The following RCAN1 variants were observed in gnomAD, a reference collection of about 807,000 sequenced individuals.
RCAN1 encodes regulator of calcineurin 1.
A neutral mutation model predicts 22.9 loss-of-function variants in RCAN1; 11 were observed. That is an observed-to-expected ratio of 0.48 (90% CI 0.30 to 0.79). The LOEUF (loss-of-function observed/expected upper bound fraction) is 0.79, where lower values mean the gene tolerates loss of function less well. Ranked by LOEUF, RCAN1 falls within the 30% of genes least tolerant of loss-of-function variation. RCAN1 has a pLI of 0.06. For missense variants in RCAN1, 291 were observed against 337.8 expected (o/e 0.86, Z 1.09); for synonymous variants, 136 against 142.3 (o/e 0.96, Z 0.32).
chr21:34,614,584 C>T lies in RCAN1; in HGVS notation c.252+176G>A, dbSNP rs1020150857. ...CCGGGGGTGCTAGGGGACCGGGACC[C>T]TCGGGGCGCCGTCCCCACGCCCCAG... On this transcript the variant is annotated intron_variant, in intron 1 of 3. Transcript: ENST00000313806. This position sits in a 1 kb window ranked among gnomAD's most constrained non-coding sequence, Gnocchi z 6.0. 3.0e-6 allele frequency: 3 copies of T among 999,690 alleles called. No homozygotes were observed. In the African/African-American group the frequency reaches 5.2e-5, roughly 17 times the overall value. The allele number at this position is 999,690 out of a possible 1,614,324, so 61.9% of individuals were successfully genotyped here.
chr21:34,581,858 C>A (rs751364050), intron 1 of RCAN1, among the ~76,000 whole-genome samples: 8 of 152,224 alleles, frequency 5.3e-5, no homozygotes, highest in Non-Finnish European at 1.0e-4. Flanking sequence ...TCTTGCAAAG[C>A]AACTGCCTCT....
At chr21:34,561,339 C>T (rs892199554) in intron 1 of RCAN1, among the ~76,000 whole-genome samples, 36 of 152,114 alleles carry the variant, frequency 2.4e-4, no homozygotes, top group African/African-American at 8.7e-4. Context: ...CAACTTTCTC[C>T]AGCAGGAGAA....
intron 1 of RCAN1, among the ~76,000 whole-genome samples, chr21:34,541,817 C>T (rs1315860641): frequency 6.6e-6 from 1 of 152,030 alleles, no homozygotes; most frequent in Admixed American, 6.5e-5. Flanking sequence ...GCCTGTAATC[C>T]CAGCTACTCG....
intron 1 of RCAN1, among the ~76,000 whole-genome samples, chr21:34,532,232 G>A (rs1167846860): frequency 6.6e-6 from 1 of 152,062 alleles, no homozygotes; most frequent in East Asian, 1.9e-4. Context: ...ATTAAGGGTG[G>A]GGGGGTTCCT....
intron 1 of RCAN1, among the ~76,000 whole-genome samples, chr21:34,527,135 G>A (rs552110889): frequency 6.6e-6 from 1 of 152,236 alleles, no homozygotes; most frequent in South Asian, 2.1e-4. Context: ...ATTCCATTCA[G>A]CTACTCAGAC....
In RCAN1 at chr21:34,521,738, G is replaced by A. The variant is rs550841366; in HGVS notation, c.427-80C>T. 4.3e-5 allele frequency: 52 copies of A among 1,213,752 alleles called. No individual in the cohort carries two copies. In the East Asian group the frequency reaches 5.2e-4, roughly 12 times the overall value. The allele number at this position is 1,213,752 out of a possible 1,614,324, so 75.2% of individuals were successfully genotyped here. ...GGCAACAGCACCTAACGCCAGTTCC[G>A]GGAGATGGGCAGGTCAATGTCCAGG... On this transcript the variant is annotated intron_variant, in intron 2 of 3. Transcript: ENST00000313806.
Position 34,519,397 on chromosome 21 carries a change from C to CTTTTT in RCAN1, c.587-1146_587-1142dup, listed in dbSNP as rs34152667. 7.6e-3 allele frequency among the ~76,000 whole-genome samples: 779 copies of CTTTTT among 102,674 alleles called. 1 individual carries two copies. The highest frequency in any genetic ancestry group is 0.01 in the Non-Finnish European group (539 of 52,810). 67.4% of individuals were successfully genotyped at this position (102,674 alleles called of 152,430 possible). ...CTTTTTTCTTTTTCTTTCTTTCTTT[C>CTTTTT]TTTTTTTTTTTTTTTTTTTTGAGAC... On this transcript the variant is annotated intron_variant, in intron 3 of 3. Coordinates refer to ENST00000313806, the MANE Select transcript of RCAN1 (RefSeq NM_004414.7).
Position 34,591,745 on chromosome 21 carries a change from C to T in RCAN1, c.252+23015G>A, listed in dbSNP as rs567316380. On this transcript the variant is annotated intron_variant, in intron 1 of 3. Coordinates refer to ENST00000313806, the MANE Select transcript of RCAN1 (RefSeq NM_004414.7). ...GGTGGATCCATATGTTGCGCTAATA[C>T]GTAAATGTCCATTATTTTACACAGG... Among the ~76,000 whole-genome samples the T allele has an allele frequency of 6.6e-5, 10 of 152,278 alleles. No individual in the cohort carries two copies. The East Asian group carries it at 7.7e-4, about 12-fold the overall frequency.
intron 1 of RCAN1, among the ~76,000 whole-genome samples, chr21:34,603,655 CCCGGGATTCCACAGTGCTTATTATT>C (rs1988434234): frequency 6.6e-6 from 1 of 152,100 alleles, no homozygotes; most frequent in South Asian, 2.1e-4. Flanking sequence ...ATCCAGTTAC[CCCGGGATTCCACAGTGCTTATTATT>C]TTTATAAAGG....
chr21:34,527,819 TAA>T (rs1238160597), intron 1 of RCAN1, among the ~76,000 whole-genome samples: 2 of 148,668 alleles, frequency 1.3e-5, no homozygotes, highest in Admixed American at 6.7e-5. Flanking sequence ...ATAAATGGGT[TAA>T]GAGGTCCTGC....
At chr21:34,551,267 T>G (rs943992836) in intron 1 of RCAN1, among the ~76,000 whole-genome samples, 2 of 152,142 alleles carry the variant, frequency 1.3e-5, no homozygotes, top group Admixed American at 6.5e-5. Flanking sequence ...TATGAAGGTC[T>G]GTGGCTGGCT....
intron 1 of RCAN1, among the ~76,000 whole-genome samples, chr21:34,555,988 G>A (rs9976526): frequency 0.23 from 34,139 of 150,640 alleles, 4,174 homozygotes; most frequent in African/African-American, 0.29. Context: ...GTGTGAACCC[G>A]GGAGGCAGAG....
intron 1 of RCAN1, among the ~76,000 whole-genome samples, chr21:34,546,817 GT>G (rs1332528682): frequency 1.3e-5 from 2 of 152,160 alleles, no homozygotes; most frequent in Non-Finnish European, 2.9e-5. Context: ...AAAAGAGCGT[GT>G]TTTTCCCATT....
chr21:34,550,931 T>C (rs1986342870), intron 1 of RCAN1, among the ~76,000 whole-genome samples: 1 of 152,224 alleles, frequency 6.6e-6, no homozygotes, highest in Non-Finnish European at 1.5e-5. Flanking sequence ...ATATAGCCGA[T>C]AGAATCTGTA....
At chr21:34,532,679 T>C (rs144325598) in intron 1 of RCAN1, among the ~76,000 whole-genome samples, 165 of 152,372 alleles carry the variant, frequency 1.1e-3, no homozygotes, top group African/African-American at 3.4e-3. Flanking sequence ...GAGTCATTCA[T>C]ACATTTGACG....
chr21:34,583,369 G>A (rs1987686283), intron 1 of RCAN1, among the ~76,000 whole-genome samples: 2 of 152,100 alleles, frequency 1.3e-5, no homozygotes, highest in Admixed American at 6.5e-5. Flanking sequence ...TAGAGACAGG[G>A]TTTCACCATG....
chr21:34,573,166 C>T (rs1261801278), intron 1 of RCAN1, among the ~76,000 whole-genome samples: 2 of 152,120 alleles, frequency 1.3e-5, no homozygotes, highest in Non-Finnish European at 2.9e-5. Context: ...TTTTTGAAAA[C>T]TGACTTGATG....
chr21:34,609,388 A>G (rs977472703), intron 1 of RCAN1, among the ~76,000 whole-genome samples: 3 of 152,206 alleles, frequency 2.0e-5, no homozygotes, highest in African/African-American at 7.2e-5. Flanking sequence ...TGCATAGACA[A>G]TGTACACCCA....
chr21:34,570,689 G>T (rs1987204790), intron 1 of RCAN1, among the ~76,000 whole-genome samples: 1 of 144,544 alleles, frequency 6.9e-6, no homozygotes, highest in African/African-American at 2.6e-5. Flanking sequence ...GATACATGAA[G>T]TGCACAATCA....
Sources: allele counts gnomAD v4.1 joint callset (sites outside exome capture counted in the v4.1 genomes callset), GRCh38; gene constraint gnomAD v4.1.1; non-coding constraint Gnocchi (gnomAD v3.1); transcripts MANE v1.5; gene names NCBI Gene and HGNC (gene_info 2026-07-23, HGNC 2026-07-21).